MIDEAS: variants seen among roughly 807,000 people sequenced by gnomAD.
MIDEAS encodes the protein mitotic deacetylase associated SANT domain protein, also known as mitotic deacetylase-associated SANT domain protein.
A neutral mutation model predicts 102.7 loss-of-function variants in MIDEAS; 26 were observed. The ratio of observed to expected loss-of-function variants is 0.25; its 90% confidence interval spans 0.19 to 0.35. MIDEAS has a LOEUF of 0.35. Among genes scored for constraint, MIDEAS ranks in the 10% least tolerant of loss-of-function variants. The pLI, the probability that MIDEAS is intolerant of heterozygous loss-of-function variation, is 1.00. For missense variants in MIDEAS, 1,231 were observed against 1,435.6 expected, an observed-to-expected ratio of 0.86 and a Z score of 2.30; for synonymous variants, 585 against 591.0, an observed-to-expected ratio of 0.99 and a Z score of 0.15.
chr14:73,752,359 ATT>A (rs1453405950), intron 1 of MIDEAS, among the ~76,000 whole-genome samples: 1 of 151,946 alleles, frequency 6.6e-6, no homozygotes, highest in Non-Finnish European at 1.5e-5. Context: ...GGTCCTTGAC[ATT>A]CGTCTGGGGG....
intron 3 of MIDEAS, 133 bp from the exon 4 acceptor site, chr14:73,730,118 A>C: frequency 1.1e-6 from 1 of 945,350 alleles, no homozygotes; most frequent in Non-Finnish European, 1.7e-6. Context: ...AGCCTGAAAA[A>C]AGGAGCAGGT....
intron 3 of MIDEAS, among the ~76,000 whole-genome samples, chr14:73,732,349 T>TG (rs959961233): frequency 6.7e-6 from 1 of 149,954 alleles, no homozygotes; most frequent in Non-Finnish European, 1.5e-5. Context: ...AAGATCTAGG[T>TG]GAAAAAAAAG....
chr14:73,715,150 G>A lies in MIDEAS; in HGVS notation c.*3693C>T, dbSNP rs1353396416. 1 of 152,456 alleles carries A rather than the reference G, an allele frequency of 6.6e-6. No homozygotes were observed. The highest frequency in any genetic ancestry group is 2.4e-5 in the African/African-American group (1 of 41,402). The allele number at this position is 152,456 out of a possible 1,614,324, so 9.4% of individuals were successfully genotyped here. ...ATTTTTAAAACCTTATTTAATAAAA[G>A]GTTTAAAGATACAGAAGAACATTCA... On this transcript the variant is annotated 3_prime_UTR_variant, in exon 13 of 13. Coordinates refer to ENST00000423556, the MANE Select transcript of MIDEAS (RefSeq NM_001367710.1).
chr14:73,745,326 G>A (rs780517960), intron 1 of MIDEAS, among the ~76,000 whole-genome samples: 11 of 152,176 alleles, frequency 7.2e-5, no homozygotes, highest in Non-Finnish European at 1.6e-4. Flanking sequence ...AGGCCAACTG[G>A]AAAAGTGCCA....
intron 1 of MIDEAS, among the ~76,000 whole-genome samples, chr14:73,744,224 A>C (rs954817309): frequency 8.5e-5 from 13 of 152,156 alleles, no homozygotes; most frequent in Non-Finnish European, 1.6e-4. Flanking sequence ...CCAGCTGCAC[A>C]CCCAACACTG....
At chr14:73,747,375 CCAAAGAAA>C (rs1183461651) in intron 1 of MIDEAS, among the ~76,000 whole-genome samples, 2 of 151,950 alleles carry the variant, frequency 1.3e-5, no homozygotes, top group African/African-American at 4.8e-5. Context: ...TATCCAGGGA[CCAAAGAAA>C]CACCTTTGTA....
rs2052907608 is a variant in MIDEAS at position 73,717,377 on chromosome 14, G to A, written c.*1466C>T. On this transcript the variant is annotated 3_prime_UTR_variant, in exon 13 of 13. Coordinates refer to ENST00000423556, the MANE Select transcript of MIDEAS (RefSeq NM_001367710.1). Reference sequence around the variant, plus strand: ...CTTTCACTTCACCCATGCCAAATATGGCTTCTTCAAGCCAGAATCCAGGCC... The same window carrying A: ...CTTTCACTTCACCCATGCCAAATATAGCTTCTTCAAGCCAGAATCCAGGCC... 1 of 152,208 alleles carries A rather than the reference G, an allele frequency of 6.6e-6. No individual in the cohort carries two copies. The highest frequency in any genetic ancestry group is 2.4e-5 in the African/African-American group (1 of 41,452). 9.4% of individuals were successfully genotyped at this position (152,208 alleles called of 1,614,324 possible).
At position 73,739,156 on chromosome 14, in the gene MIDEAS, G is replaced by T; in HGVS notation, c.853C>A (p.Pro285Thr). 1 of 1,613,870 alleles carries T rather than the reference G, an allele frequency of 6.2e-7. No homozygotes were observed. The change falls in exon 2 of 13, where the codon CCC becomes ACC. Residue 285 changes from proline (P) to threonine (T), a missense_variant. By Grantham distance (38) the Pro-to-Thr change is conservative (BLOSUM62 -1). Transcript: ENST00000423556. ...YSMPQQPSQQ[P>T]QDFGLQPAGP... is the part of the protein sequence containing the mutation. ...GCTGGCTGCAGGCCAAAGTCCTGGG[G>T]TTGCTGCGAGGGTTGCTGCGGCATG...
chr14:73,772,643 G>A (rs553639874), intron 1 of MIDEAS, among the ~76,000 whole-genome samples: 41 of 151,960 alleles, frequency 2.7e-4, no homozygotes, highest in African/African-American at 9.9e-4. Flanking sequence ...TGGTGTGCAG[G>A]AAGGTATGAG....
chr14:73,740,201 G>T lies in MIDEAS; in HGVS notation c.-193C>A. The T allele has an allele frequency of 8.5e-6, 5 of 584,826 alleles. No homozygotes were observed. Among genetic ancestry groups the T allele is most frequent in the Non-Finnish European group, 1.0e-5 (4 of 389,996 alleles). 36.2% of individuals were successfully genotyped at this position (584,826 alleles called of 1,614,324 possible). A position where few individuals can be genotyped will look rare whatever the true frequency, so the allele number is the denominator to read the frequency against. On this transcript the variant is annotated 5_prime_UTR_variant, in exon 2 of 13. Transcript: ENST00000423556. ...GGCTCTTCCTTTCTCTTCCAGAGAG[G>T]CTCTGGGGCTCAGCTACTCTTCCCA...
intron 4 of MIDEAS, chr14:73,727,793 A>T: frequency 7.0e-6 from 3 of 430,022 alleles, no homozygotes; most frequent in Non-Finnish European, 1.2e-5. Flanking sequence ...TGGATAAAAT[A>T]ATGCACAGAG....
In MIDEAS at chr14:73,719,389, G is replaced by C. The variant is rs771679015; in HGVS notation, c.3050C>G (p.Pro1017Arg). The part of the protein sequence containing the change: ...EGTGKSRRAL[P>R]FSEKKKKTET... ...TGTTTTTTTCTTCTTCTCTGAAAAA[G>C]GTAGTGCCCTTCGTGACTTCCCTGT... is the stretch of plus-strand genomic sequence containing the variant. The change falls in exon 12 of 13, where the codon CCT (proline) becomes CGT (arginine). Residue 1017 changes from proline to arginine, a missense_variant. Pro to Arg is a moderately radical substitution (Grantham distance 103). Around this residue, in one of 5 missense-constraint regions of MIDEAS, gnomAD observed 391 missense variants for 483.0 expected, o/e 0.81. Coordinates refer to ENST00000423556, the MANE Select transcript of MIDEAS (RefSeq NM_001367710.1). 2 of 1,614,020 alleles carry C rather than the reference G, an allele frequency of 1.2e-6. No homozygotes were observed. Among genetic ancestry groups the C allele is most frequent in the Non-Finnish European group, 1.7e-6 (2 of 1,179,994 alleles).
In MIDEAS at chr14:73,722,815, C is replaced by A; in HGVS notation, c.2607G>T (p.Glu869Asp). 2 of 1,614,186 alleles carry A rather than the reference C, an allele frequency of 1.2e-6. No individual in the cohort carries two copies. Among genetic ancestry groups the A allele is most frequent in the Non-Finnish European group, 1.7e-6 (2 of 1,180,022 alleles). Residue 869 changes from glutamate to aspartate, a missense_variant, in exon 10 of 13, where the codon GAG becomes GAT. By Grantham distance (45) the Glu-to-Asp change is conservative (BLOSUM62 2). Transcript: ENST00000423556. ...IQTKTVAQCV[E>D]FYYTYKKQVK... Reference sequence around the variant, plus strand: ...CCTGCTTCTTGTAGGTGTAGTAGAACTCCACGCACTGGGCCACGGTCTTGG... The same window carrying A: ...CCTGCTTCTTGTAGGTGTAGTAGAAATCCACGCACTGGGCCACGGTCTTGG...
At chr14:73,745,650 C>T (rs2053341601) in intron 1 of MIDEAS, among the ~76,000 whole-genome samples, 1 of 152,222 alleles carries the variant, frequency 6.6e-6, no homozygotes, top group African/African-American at 2.4e-5. Flanking sequence ...GCTAGAGTTG[C>T]CCAGGCCCTA....
chr14:73,727,640 A>G, intron 4 of MIDEAS, 116 bp from the exon 5 acceptor site: 2 of 949,408 alleles, frequency 2.1e-6, no homozygotes, highest in Non-Finnish European at 3.1e-6. Flanking sequence ...GAGCTCACGC[A>G]GGGAACACAG....
chr14:73,781,435 C>A (rs955801239), intron 1 of MIDEAS, among the ~76,000 whole-genome samples: 3 of 152,076 alleles, frequency 2.0e-5, no homozygotes, highest in Non-Finnish European at 4.4e-5. Context: ...TAAGAACTTT[C>A]AATTAAAACT....
intron 1 of MIDEAS, among the ~76,000 whole-genome samples, chr14:73,756,295 T>TGC (rs1555344807): frequency 0.011 from 1,421 of 127,708 alleles, 4 homozygotes; most frequent in Non-Finnish European, 0.017. Context: ...TGTGTGTGTG[T>TGC]GCGCGCGCGC....
chr14:73,723,205 C>T (rs1014675762), intron 9 of MIDEAS: 3 of 160,524 alleles, frequency 1.9e-5, no homozygotes, highest in South Asian at 1.6e-4. Flanking sequence ...AGTGCAGTGA[C>T]GCGATTTTGG....
At chr14:73,734,758 C>T (rs1013587708) in intron 3 of MIDEAS, among the ~76,000 whole-genome samples, 2 of 152,172 alleles carry the variant, frequency 1.3e-5, no homozygotes, top group African/African-American at 4.8e-5. Context: ...ATGGTACTAG[C>T]TATGTCCCAT....
Sources: allele counts gnomAD v4.1 joint callset (sites outside exome capture counted in the v4.1 genomes callset), GRCh38; gene constraint gnomAD v4.1.1; regional missense constraint gnomAD v4.1.1; transcripts MANE v1.5; gene names NCBI Gene and HGNC (gene_info 2026-07-23, HGNC 2026-07-21).